Variants in CNTN3 observed in about 807,000 individuals in gnomAD.
The protein encoded by CNTN3 is contactin 3, also known as contactin-3.
A neutral mutation model predicts 119.1 loss-of-function variants in CNTN3; 60 were observed. The ratio of observed to expected loss-of-function variants is 0.50; its 90% confidence interval spans 0.41 to 0.62. The LOEUF is 0.62. Among genes scored for constraint, CNTN3 ranks in the 20% least tolerant of loss-of-function variants. CNTN3 has a pLI of 0.00. For missense variants in CNTN3, 1,101 were observed against 1,242.4 expected (o/e 0.89, Z 1.71); for synonymous variants, 450 against 438.7 (o/e 1.03, Z -0.32).
intron 20 of CNTN3, among the ~76,000 whole-genome samples, chr3:74,280,472 G>C (rs1701982193): frequency 6.6e-6 from 1 of 152,196 alleles, no homozygotes; most frequent in Admixed American, 6.5e-5. Flanking sequence ...TGCCCAAGAT[G>C]AATCAATGAG....
chr3:74,472,615 C>T (rs551200849), intron 4 of CNTN3, among the ~76,000 whole-genome samples: 11 of 152,268 alleles, frequency 7.2e-5, no homozygotes, highest in African/African-American at 1.2e-4. Context: ...TTAATCTCAA[C>T]GGAAACTTGG....
intron 11 of CNTN3, among the ~76,000 whole-genome samples, chr3:74,342,342 T>C (rs1041319103): frequency 7.9e-5 from 12 of 152,190 alleles, no homozygotes; most frequent in Admixed American, 7.2e-4. Flanking sequence ...GTTTTTATTC[T>C]TCTACCTATC....
chr3:74,455,550 C>A (rs150287384), intron 4 of CNTN3, among the ~76,000 whole-genome samples: 3 of 152,106 alleles, frequency 2.0e-5, no homozygotes, highest in Admixed American at 1.3e-4. Context: ...TGAGGAACTG[C>A]GATCCTTTGG....
At chr3:74,566,299 C>T (rs1450663368) in intron 1 of CNTN3, among the ~76,000 whole-genome samples, 1 of 152,152 alleles carries the variant, frequency 6.6e-6, no homozygotes, top group Non-Finnish European at 1.5e-5. Flanking sequence ...GTTACCACCC[C>T]CAGGCCACCT....
chr3:74,570,544 C>CA (rs56396416), intron 1 of CNTN3, among the ~76,000 whole-genome samples: 81 of 138,544 alleles, frequency 5.8e-4, no homozygotes, highest in East Asian at 5.1e-3. Flanking sequence ...CTTCTAAGGA[C>CA]AAAAAAAAAA....
chr3:74,570,058 A>T (rs1418712027), intron 1 of CNTN3, among the ~76,000 whole-genome samples: 1 of 152,164 alleles, frequency 6.6e-6, no homozygotes, highest in African/African-American at 2.4e-5. Context: ...AAGCAGCCTG[A>T]GAAAAACCTC....
intron 4 of CNTN3, among the ~76,000 whole-genome samples, chr3:74,452,526 G>T (rs1349261387): frequency 5.6e-5 from 8 of 142,848 alleles, no homozygotes; most frequent in Non-Finnish European, 1.1e-4. Context: ...CTGCCTAATT[G>T]CCCTGGCCAG....
intron 10 of CNTN3, among the ~76,000 whole-genome samples, chr3:74,363,458 A>T (rs1324013457): frequency 1.3e-5 from 2 of 152,112 alleles, no homozygotes; most frequent in Admixed American, 6.6e-5. Flanking sequence ...CTCCACACCA[A>T]CCAAAAATAT....
At chr3:74,589,774 G>T (rs1209510051) in intron 1 of CNTN3, among the ~76,000 whole-genome samples, 4 of 151,474 alleles carry the variant, frequency 2.6e-5, no homozygotes, top group African/African-American at 7.3e-5. Context: ...ATACTATGCA[G>T]CCATAAAAAA....
intron 5 of CNTN3, among the ~76,000 whole-genome samples, chr3:74,407,527 C>A (rs1329063898): frequency 6.6e-6 from 1 of 151,326 alleles, no homozygotes; most frequent in Non-Finnish European, 1.5e-5. Context: ...CCCACCTCGG[C>A]CTCTCAAAGT....
Position 74,370,583 on chromosome 3 carries a change from A to C in CNTN3, c.659-592T>G, listed in dbSNP as rs1240692662. On this transcript the variant is annotated intron_variant, in intron 6 of 22. Coordinates refer to ENST00000263665, the MANE Select transcript of CNTN3 (RefSeq NM_020872.3). ...TGACTTAATAAATGGGAAAGGTCAA[A>C]TTCAATTATAACTGACTGGAAAAAA... 2.6e-5 allele frequency among the ~76,000 whole-genome samples: 4 copies of C among 152,194 alleles called. No individual in the cohort carries two copies. In the East Asian group the frequency reaches 7.8e-4, roughly 29 times the overall value.
chr3:74,593,561 T>G (rs560074526), intron 1 of CNTN3, among the ~76,000 whole-genome samples: 1 of 152,106 alleles, frequency 6.6e-6, no homozygotes, highest in African/African-American at 2.4e-5. Context: ...TCTGTTTGAG[T>G]AGAATAATTA....
chr3:74,268,994 T>C (rs1701714802), intron 20 of CNTN3, among the ~76,000 whole-genome samples: 2 of 147,096 alleles, frequency 1.4e-5, no homozygotes, highest in African/African-American at 5.0e-5. Context: ...AGTCACAACA[T>C]ACGTGGGCTG....
intron 7 of CNTN3, 82 bp from the exon 8 acceptor site, chr3:74,369,455 A>G: frequency 8.9e-7 from 1 of 1,122,614 alleles, no homozygotes; most frequent in Admixed American, 2.8e-5. Context: ...AGATTGAACA[A>G]GAAGGCACAG....
At chr3:74,476,135 T>C (rs1397550714) in intron 4 of CNTN3, among the ~76,000 whole-genome samples, 2 of 152,150 alleles carry the variant, frequency 1.3e-5, no homozygotes, top group East Asian at 1.9e-4. Context: ...ATGAGTTCAA[T>C]GTTAATGAAG....
intron 4 of CNTN3, among the ~76,000 whole-genome samples, chr3:74,470,109 AT>A: frequency 6.6e-6 from 1 of 152,164 alleles, no homozygotes; most frequent in African/African-American, 2.4e-5. Context: ...GATTCCGTGT[AT>A]ATAAAATGTC....
chr3:74,281,070 T>C (rs1701996964), intron 20 of CNTN3, among the ~76,000 whole-genome samples: 1 of 152,128 alleles, frequency 6.6e-6, no homozygotes, highest in African/African-American at 2.4e-5. Context: ...TGGAAAAGAA[T>C]AGGAAATAAG....
At position 74,535,845 on chromosome 3, in the gene CNTN3, C is replaced by G. The variant is rs1010017935; in HGVS notation, c.-80-14653G>C. On this transcript the variant is annotated intron_variant, in intron 1 of 22. Transcript: ENST00000263665. ...CACAACTTCAAGACATTCGTGACGACCAAACCAAATATATCTGCAACTCAG... is the reference window on the plus strand; with the variant it reads ...CACAACTTCAAGACATTCGTGACGAGCAAACCAAATATATCTGCAACTCAG... 2.0e-5 allele frequency among the ~76,000 whole-genome samples: 3 copies of G among 152,062 alleles called. No homozygotes were observed. The East Asian group carries it at 5.8e-4, about 29-fold the overall frequency.
At chr3:74,280,627 A>G (rs1478931433) in intron 20 of CNTN3, among the ~76,000 whole-genome samples, 1 of 152,242 alleles carries the variant, frequency 6.6e-6, no homozygotes, top group Admixed American at 6.5e-5. Flanking sequence ...TGATGCTGCC[A>G]TGGAGCAGAG....
Sources: allele counts gnomAD v4.1 joint callset (sites outside exome capture counted in the v4.1 genomes callset), GRCh38; gene constraint gnomAD v4.1.1; transcripts MANE v1.5; gene names NCBI Gene and HGNC (gene_info 2026-07-23, HGNC 2026-07-21).